The following MARCHF1 variants were observed in gnomAD, a reference collection of about 807,000 sequenced individuals.
MARCHF1 encodes E3 ubiquitin-protein ligase MARCHF1.
In MARCHF1, 40 loss-of-function variants were observed where a neutral mutation model predicts 54.2. That is an observed-to-expected ratio of 0.74 (90% confidence interval 0.57 to 0.96). The LOEUF is 0.96. Ranked by LOEUF, MARCHF1 falls within the 40% of genes least tolerant of loss-of-function variation. The probability of loss-of-function intolerance (pLI) is 0.00; values close to 1 mark genes in which losing one functional copy is unlikely to be tolerated. For missense variants in MARCHF1, 586 were observed against 656.5 expected, an observed-to-expected ratio of 0.89 and a Z score of 1.17; for synonymous variants, 236 against 236.3, an observed-to-expected ratio of 1.00 and a Z score of 0.01.
At position 163,623,010 on chromosome 4, in the gene MARCHF1, T is replaced by C. The variant is rs541629397; in HGVS notation, c.163-9617A>G. ...CCAGGAGACATTTCCTACTGAAACA[T>C]ACAGTTGGAAAGAGAGTTGGAATAA... On this transcript the variant is annotated intron_variant, in intron 5 of 9. Coordinates refer to ENST00000514618, the MANE Select transcript of MARCHF1 (RefSeq NM_001394959.1). Among the ~76,000 whole-genome samples, 46 of 152,212 alleles carry C rather than the reference T, an allele frequency of 3.0e-4. No homozygotes were observed. The East Asian group carries it at 6.4e-3, about 21-fold the overall frequency.
Position 163,528,432 on chromosome 4 carries a change from TC to T in MARCHF1, c.*315del, listed in dbSNP as rs1038016777. On this transcript the variant is annotated 3_prime_UTR_variant, in exon 10 of 10. Coordinates refer to ENST00000514618, the MANE Select transcript of MARCHF1 (RefSeq NM_001394959.1). ...TCCCCTGTTACTGTGAAGAAGAGTATCATGGGTCCATTTAATCTTTGATTAC... is the reference window on the plus strand; with the variant it reads ...TCCCCTGTTACTGTGAAGAAGAGTATATGGGTCCATTTAATCTTTGATTAC... The T allele has an allele frequency of 2.7e-4, 77 of 280,236 alleles. No individual in the cohort carries two copies. The highest frequency in any genetic ancestry group is 1.5e-3 in the African/African-American group (67 of 45,472). The allele number at this position is 280,236 out of a possible 1,614,324, so 17.4% of individuals were successfully genotyped here.
chr4:164,276,961 G>T lies in MARCHF1; in HGVS notation c.-323+106909C>A, dbSNP rs1390763062. ...ATATATATATATAGAGAGAGAGAGAGAGAGAGACAGAGAGAGAGAGAAAAT... is the reference window on the plus strand; with the variant it reads ...ATATATATATATAGAGAGAGAGAGATAGAGAGACAGAGAGAGAGAGAAAAT... On this transcript the variant is annotated intron_variant, in intron 1 of 9. Coordinates refer to ENST00000514618, the MANE Select transcript of MARCHF1 (RefSeq NM_001394959.1). Among the ~76,000 whole-genome samples the T allele has an allele frequency of 1.9e-3, 232 of 125,278 alleles. 1 individual carries two copies. Among genetic ancestry groups the T allele is most frequent in the East Asian group, 2.8e-3 (12 of 4,238 alleles). The allele number at this position is 125,278 out of a possible 152,430, so 82.2% of individuals were successfully genotyped here.
chr4:163,549,149 A>G (rs11100507), intron 8 of MARCHF1, among the ~76,000 whole-genome samples: 76,945 of 152,150 alleles, frequency 0.51, 20,075 homozygotes, highest in Non-Finnish European at 0.57. Flanking sequence ...ACTCAGGCAC[A>G]CTACACGCGC....
intron 1 of MARCHF1, chr4:164,189,602 A>T: frequency 2.1e-6 from 2 of 933,384 alleles, no homozygotes; most frequent in Admixed American, 1.7e-5. Flanking sequence ...GGTGATCAAG[A>T]TACAGGTGAC....
intron 2 of MARCHF1, among the ~76,000 whole-genome samples, chr4:164,000,280 A>C (rs562629752): frequency 5.9e-5 from 9 of 151,920 alleles, no homozygotes; most frequent in African/African-American, 1.9e-4. Context: ...AAACATAGAT[A>C]TGCTAAATAA....
At chr4:163,989,370 G>C (rs1264815197) in intron 2 of MARCHF1, among the ~76,000 whole-genome samples, 1 of 152,170 alleles carries the variant, frequency 6.6e-6, no homozygotes, top group Non-Finnish European at 1.5e-5. Context: ...GTTGTAAAGA[G>C]AGTTAACCAT....
At chr4:163,820,772 T>A (rs1025268228) in intron 4 of MARCHF1, among the ~76,000 whole-genome samples, 2 of 151,992 alleles carry the variant, frequency 1.3e-5, no homozygotes, top group Non-Finnish European at 2.9e-5. Flanking sequence ...AATTTTCATA[T>A]GCAAACAATT....
intron 4 of MARCHF1, among the ~76,000 whole-genome samples, chr4:163,783,762 T>C (rs115731784): frequency 6.6e-6 from 1 of 152,306 alleles, no homozygotes; most frequent in South Asian, 2.1e-4. Context: ...GAACTCTCTT[T>C]AATCTTTTTT....
intron 8 of MARCHF1, among the ~76,000 whole-genome samples, chr4:163,580,750 A>C (rs888143555): frequency 6.6e-6 from 1 of 152,162 alleles, no homozygotes; most frequent in Non-Finnish European, 1.5e-5. Flanking sequence ...TTTTAGAATG[A>C]CTTGTTTTAA....
intron 3 of MARCHF1, among the ~76,000 whole-genome samples, chr4:163,928,160 C>T (rs753432170): frequency 3.3e-5 from 5 of 151,770 alleles, no homozygotes; most frequent in African/African-American, 1.2e-4. Context: ...AAAGAAAGTG[C>T]CTTTGTCAAC....
chr4:163,716,630 AC>A (rs1456860620), intron 4 of MARCHF1, among the ~76,000 whole-genome samples: 1 of 152,188 alleles, frequency 6.6e-6, no homozygotes, highest in Non-Finnish European at 1.5e-5. Context: ...GCTCATTTGC[AC>A]TATAGTAGCT....
rs116497808 is a variant in MARCHF1 at position 164,183,224 on chromosome 4, A to G, written c.-322-71562T>C. Among the ~76,000 whole-genome samples, 1,359 of 152,262 alleles carry G rather than the reference A, an allele frequency of 8.9e-3. 22 individuals are homozygous for G. The highest frequency in any genetic ancestry group is 0.031 in the African/African-American group (1,283 of 41,564). On this transcript the variant is annotated intron_variant, in intron 1 of 9. Transcript: ENST00000514618. ...CTCAAATCTCTATTCCCATCTACCCAATCTAATTCAATTCACTCTACATAA... is the reference window on the plus strand; with the variant it reads ...CTCAAATCTCTATTCCCATCTACCCGATCTAATTCAATTCACTCTACATAA...
At chr4:164,266,912 A>C (rs528031819) in intron 1 of MARCHF1, among the ~76,000 whole-genome samples, 1 of 152,198 alleles carries the variant, frequency 6.6e-6, no homozygotes, top group Non-Finnish European at 1.5e-5. Flanking sequence ...TCAACTCATC[A>C]ATTTAAGCAA....
Position 163,978,850 on chromosome 4 carries a change from T to C in MARCHF1, c.-39+9651A>G, listed in dbSNP as rs145801213. Among the ~76,000 whole-genome samples the C allele has an allele frequency of 2.2e-3, 329 of 152,084 alleles. 1 individual carries two copies. Among genetic ancestry groups the C allele is most frequent in the African/African-American group, 7.8e-3 (322 of 41,498 alleles). On this transcript the variant is annotated intron_variant, in intron 3 of 9. Transcript: ENST00000514618. ...AAGCCTCCAATCTCAAGCTCCCAAG[T>C]AGCTAGGACTGCAGGCATGTTCCAC...
At chr4:164,266,533 T>C (rs1277409995) in intron 1 of MARCHF1, among the ~76,000 whole-genome samples, 1 of 152,244 alleles carries the variant, frequency 6.6e-6, no homozygotes, top group Non-Finnish European at 1.5e-5. Flanking sequence ...GAGTTCATTC[T>C]AATCCACATT....
At chr4:164,341,381 A>G (rs1023434315) in intron 1 of MARCHF1, among the ~76,000 whole-genome samples, 4 of 152,210 alleles carry the variant, frequency 2.6e-5, no homozygotes, top group African/African-American at 9.6e-5. Context: ...TCTATTCAAC[A>G]TGGCACTAGA....
At chr4:163,598,042 C>T (rs7655694) in intron 7 of MARCHF1, among the ~76,000 whole-genome samples, 65,954 of 152,008 alleles carry the variant, frequency 0.43, 14,510 homozygotes, top group South Asian at 0.46. Context: ...ATTTTAAGTA[C>T]ATAAAACATG....
At chr4:163,668,089 CTGTT>C (rs1382294534) in intron 5 of MARCHF1, among the ~76,000 whole-genome samples, 5 of 152,272 alleles carry the variant, frequency 3.3e-5, no homozygotes, top group Admixed American at 2.6e-4. Context: ...TTGAAATATG[CTGTT>C]TATTTGACAT....
chr4:163,995,776 G>A (rs1225196632), intron 2 of MARCHF1, among the ~76,000 whole-genome samples: 2 of 152,082 alleles, frequency 1.3e-5, no homozygotes, highest in African/African-American at 2.4e-5. Context: ...GGAAAACTGA[G>A]TGTTTTGACA....
Sources: allele counts gnomAD v4.1 joint callset (sites outside exome capture counted in the v4.1 genomes callset), GRCh38; gene constraint gnomAD v4.1.1; transcripts MANE v1.5; gene names NCBI Gene and HGNC (gene_info 2026-07-23, HGNC 2026-07-21).